Variants in TSHZ2 observed in about 807,000 individuals in gnomAD.
The protein encoded by TSHZ2 is teashirt zinc finger homeobox 2, also known as teashirt homolog 2.
Under a neutral mutation model 74.4 loss-of-function variants are expected in TSHZ2, and 21 were observed. The observed-to-expected ratio is 0.28, with a 90% CI of 0.20 to 0.41. The LOEUF (loss-of-function observed/expected upper bound fraction) is 0.41, where lower values mean the gene tolerates loss of function less well. Ranked by LOEUF, TSHZ2 falls within the 10% of genes least tolerant of loss-of-function variation. TSHZ2 has a pLI of 1.00. For missense variants in TSHZ2, 1,244 were observed against 1,293.5 expected (o/e 0.96, Z 0.59); for synonymous variants, 540 against 515.3 (o/e 1.05, Z -0.65).
At chr20:53,379,452 T>C (rs1160765929) in intron 2 of TSHZ2, among the ~76,000 whole-genome samples, 1 of 152,052 alleles carries the variant, frequency 6.6e-6, no homozygotes, top group African/African-American at 2.4e-5. Flanking sequence ...AATTAAGTTG[T>C]CACTCAGATT....
intron 1 of TSHZ2, among the ~76,000 whole-genome samples, chr20:53,026,800 T>C (rs533147957): frequency 6.6e-6 from 1 of 152,338 alleles, no homozygotes; most frequent in South Asian, 2.1e-4. Flanking sequence ...TCAACATCTT[T>C]TCATATTTTT....
At chr20:53,041,785 G>GCCA (rs1331827879) in intron 1 of TSHZ2, among the ~76,000 whole-genome samples, 1 of 152,224 alleles carries the variant, frequency 6.6e-6, no homozygotes, top group African/African-American at 2.4e-5. Context: ...CAAAATCCAT[G>GCCA]CCACGAGTCT....
intron 1 of TSHZ2, among the ~76,000 whole-genome samples, chr20:53,035,727 G>A (rs773813212): frequency 2.6e-5 from 4 of 152,138 alleles, no homozygotes; most frequent in African/African-American, 4.8e-5. Flanking sequence ...GGGAAGACAA[G>A]TATCAAAGAA....
In TSHZ2 at chr20:53,490,929, A is replaced by C. The variant is rs1206584690; in HGVS notation, c.*3794A>C. The C allele has an allele frequency of 1.3e-5, 2 of 152,330 alleles. No individual in the cohort carries two copies. Among genetic ancestry groups the C allele is most frequent in the African/African-American group, 4.8e-5 (2 of 41,580 alleles). The allele number at this position is 152,330 out of a possible 1,614,324, so 9.4% of individuals were successfully genotyped here. A position where few individuals can be genotyped will look rare whatever the true frequency, so the allele number is the denominator to read the frequency against. On this transcript the variant is annotated 3_prime_UTR_variant, in exon 3 of 3. Coordinates refer to ENST00000371497, the MANE Select transcript of TSHZ2 (RefSeq NM_173485.6). ...CTGAAACTTTTCACAGTAAATCCAAAGATTACAGACCTTACAAGGTGCTTG... is the reference window on the plus strand; with the variant it reads ...CTGAAACTTTTCACAGTAAATCCAACGATTACAGACCTTACAAGGTGCTTG...
intron 2 of TSHZ2, among the ~76,000 whole-genome samples, chr20:53,312,098 T>A (rs1188962616): frequency 5.3e-5 from 8 of 151,878 alleles, no homozygotes; most frequent in Admixed American, 1.3e-4. Flanking sequence ...TAAAAATTTT[T>A]TTAAAAAAAA....
At chr20:53,448,107 G>T (rs1385123657) in intron 2 of TSHZ2, among the ~76,000 whole-genome samples, 1 of 151,978 alleles carries the variant, frequency 6.6e-6, no homozygotes, top group Admixed American at 6.6e-5. Context: ...TAGAGATGGG[G>T]TTTCACCGTG....
chr20:53,367,225 G>A (rs1341527380), intron 2 of TSHZ2, among the ~76,000 whole-genome samples: 1 of 150,864 alleles, frequency 6.6e-6, no homozygotes, highest in Non-Finnish European at 1.5e-5. Flanking sequence ...GTGAAACCCT[G>A]TCTCTACTAA....
At chr20:53,342,649 T>C (rs963328582) in intron 2 of TSHZ2, among the ~76,000 whole-genome samples, 2 of 152,108 alleles carry the variant, frequency 1.3e-5, no homozygotes, top group East Asian at 1.9e-4. Flanking sequence ...ATTTTACAGA[T>C]AAGGAAACCA....
chr20:53,023,312 C>G (rs748258056), intron 1 of TSHZ2, among the ~76,000 whole-genome samples: 2 of 152,148 alleles, frequency 1.3e-5, no homozygotes, highest in Non-Finnish European at 2.9e-5. Flanking sequence ...ATCTATAGAG[C>G]CTTTAACTCA....
At chr20:53,430,982 G>A (rs1490146575) in intron 2 of TSHZ2, among the ~76,000 whole-genome samples, 1 of 151,890 alleles carries the variant, frequency 6.6e-6, no homozygotes, top group East Asian at 2.0e-4. Flanking sequence ...CCTGACCTCA[G>A]GTGATCCACC....
chr20:53,354,932 G>C (rs908488511), intron 2 of TSHZ2, among the ~76,000 whole-genome samples: 2 of 152,158 alleles, frequency 1.3e-5, no homozygotes, highest in African/African-American at 4.8e-5. Flanking sequence ...AACAGATGTT[G>C]CCTTATAATG....
chr20:53,265,405 G>A (rs773685225), intron 2 of TSHZ2, among the ~76,000 whole-genome samples: 4 of 152,120 alleles, frequency 2.6e-5, no homozygotes, highest in Non-Finnish European at 5.9e-5. Flanking sequence ...AGGCGGGGGT[G>A]CAGCAAGTCA....
intron 1 of TSHZ2, among the ~76,000 whole-genome samples, chr20:53,058,577 T>C (rs1338283374): frequency 2.0e-5 from 3 of 152,086 alleles, no homozygotes; most frequent in Non-Finnish European, 4.4e-5. Context: ...CTGACCCCGT[T>C]AGTTGTTCTA....
At chr20:53,348,552 C>A (rs559123999) in intron 2 of TSHZ2, among the ~76,000 whole-genome samples, 66 of 18,542 alleles carry the variant, frequency 3.6e-3, no homozygotes, top group Admixed American at 0.019. Context: ...AAAAAATAGA[C>A]CCCCCCAAAA....
intron 1 of TSHZ2, among the ~76,000 whole-genome samples, chr20:53,192,305 A>C (rs1053118305): frequency 9.2e-5 from 14 of 152,028 alleles, no homozygotes; most frequent in Non-Finnish European, 1.6e-4. Context: ...AAAAAAAAAA[A>C]AACAAAAAAA....
chr20:53,423,407 G>A (rs1983549370), intron 2 of TSHZ2, among the ~76,000 whole-genome samples: 1 of 149,972 alleles, frequency 6.7e-6, no homozygotes, highest in African/African-American at 2.5e-5. Context: ...AAACAAAAAA[G>A]GCTATGATAT....
intron 1 of TSHZ2, among the ~76,000 whole-genome samples, chr20:53,150,575 G>A (rs1338602123): frequency 1.3e-5 from 2 of 151,948 alleles, no homozygotes; most frequent in Non-Finnish European, 2.9e-5. Flanking sequence ...TTCACAGGGA[G>A]TGTTGGTGGC....
chr20:53,449,740 T>C (rs1055220559), intron 2 of TSHZ2, among the ~76,000 whole-genome samples: 2 of 152,196 alleles, frequency 1.3e-5, no homozygotes, highest in Non-Finnish European at 2.9e-5. Flanking sequence ...TAATTATTCA[T>C]TTATTGATTC....
At chr20:53,451,411 C>A (rs1342816548) in intron 2 of TSHZ2, among the ~76,000 whole-genome samples, 4 of 152,204 alleles carry the variant, frequency 2.6e-5, no homozygotes, top group African/African-American at 9.7e-5. Flanking sequence ...TCTGTGCTAA[C>A]CTCAATGACT....
Sources: gnomAD v4.1 joint callset for allele counts (sites outside exome capture counted in the v4.1 genomes callset) on GRCh38, gnomAD v4.1.1 for gene constraint, MANE v1.5 for transcripts, NCBI Gene and HGNC (gene_info 2026-07-23, HGNC 2026-07-21) for gene names.